Variants in ZNF536 observed in about 807,000 individuals in gnomAD.
ZNF536 encodes zinc finger protein 536.
Under a neutral mutation model 84.5 loss-of-function variants are expected in ZNF536, and 13 were observed. The ratio of observed to expected loss-of-function variants is 0.15; its 90% CI spans 0.10 to 0.24. The LOEUF (loss-of-function observed/expected upper bound fraction) is 0.24, where lower values mean the gene tolerates loss of function less well. ZNF536 is among the 10% of genes least tolerant of loss of function. The pLI, the probability that ZNF536 is intolerant of heterozygous loss-of-function variation, is 1.00. For synonymous variants in ZNF536, 811 were observed against 742.5 expected (o/e 1.09, Z -1.50); for missense variants, 1,536 against 1,747.5 (o/e 0.88, Z 2.16).
In ZNF536 at chr19:30,444,936, G is replaced by C. The variant is rs780527084; in HGVS notation, c.1374G>C (p.Leu458=). 3 of 1,611,716 alleles carry C rather than the reference G, an allele frequency of 1.9e-6. No homozygotes were observed. Among genetic ancestry groups the C allele is most frequent in the Non-Finnish European group, 8.5e-7 (1 of 1,179,156 alleles). ...EPSQLYGKGE[L]PMKEKEALGK... ...GCCAGCTCTATGGCAAGGGCGAGCTGCCCATGAAGGAGAAGGAAGCGCTGG... is the reference window on the plus strand; with the variant it reads ...GCCAGCTCTATGGCAAGGGCGAGCTCCCCATGAAGGAGAAGGAAGCGCTGG... Residue 458 remains leucine, a synonymous_variant, in exon 2 of 5, where the codon CTG becomes CTC. Coordinates refer to ENST00000355537, the MANE Select transcript of ZNF536 (RefSeq NM_014717.3).
At chr19:30,238,309 C>T (rs1278156789) in intron 1 of ZNF536, among the ~76,000 whole-genome samples, 1 of 152,018 alleles carries the variant, frequency 6.6e-6, no homozygotes, top group Admixed American at 6.6e-5. Context: ...TGATTGATTT[C>T]CTATGTATCT....
intron 1 of ZNF536, among the ~76,000 whole-genome samples, chr19:30,418,731 A>G (rs1176369823): frequency 6.6e-6 from 1 of 152,162 alleles, no homozygotes; most frequent in African/African-American, 2.4e-5. Context: ...CCTTCATGCC[A>G]CCATCACTAA....
chr19:30,639,263 A>G (rs747927363), intron 1 of ZNF536, among the ~76,000 whole-genome samples: 5 of 152,254 alleles, frequency 3.3e-5, no homozygotes, highest in Non-Finnish European at 7.3e-5. Flanking sequence ...TAGTAGCAAC[A>G]TTAAATAAGC....
rs60022194 is a variant in ZNF536, at chr19:30,326,751, G to A, written c.-119-25617G>A. ...TACAAATGGCCCTGGAAAGACACGC[G>A]ATGATTTTTTTTTAACTGGGAGATT... On this transcript the variant is annotated intron_variant, in intron 2 of 5. Transcript: ENST00000585628. Among the ~76,000 whole-genome samples the A allele has an allele frequency of 4.7e-4, 49 of 103,738 alleles. 1 individual carries two copies. The highest frequency in any genetic ancestry group is 1.6e-3 in the African/African-American group (47 of 28,894). 68.1% of individuals were successfully genotyped at this position (103,738 alleles called of 152,430 possible).
chr19:30,611,316 G>A (rs1242219220), intron 1 of ZNF536, among the ~76,000 whole-genome samples: 1 of 152,140 alleles, frequency 6.6e-6, no homozygotes, highest in South Asian at 2.1e-4. Context: ...TCTCAAGTGA[G>A]GGGGAGCCCT....
chr19:30,311,492 G>C (rs1490257529), intron 2 of ZNF536, among the ~76,000 whole-genome samples: 1 of 152,206 alleles, frequency 6.6e-6, no homozygotes, highest in Non-Finnish European at 1.5e-5. Context: ...CAGGTGCTTA[G>C]CCTGCTCACT....
chr19:30,702,219 C>T (rs2052014660), intron 1 of ZNF536, among the ~76,000 whole-genome samples: 1 of 152,234 alleles, frequency 6.6e-6, no homozygotes, highest in Admixed American at 6.5e-5. Context: ...CGTTTCCCCA[C>T]TTTCGTTATA....
At chr19:30,314,995 C>G (rs2046633416) in intron 2 of ZNF536, among the ~76,000 whole-genome samples, 1 of 152,156 alleles carries the variant, frequency 6.6e-6, no homozygotes, top group Admixed American at 6.5e-5. Flanking sequence ...CCCACCGGGT[C>G]CTCCTCCCCA....
intron 1 of ZNF536, among the ~76,000 whole-genome samples, chr19:30,412,872 T>A (rs1426509154): frequency 2.0e-5 from 3 of 152,074 alleles, no homozygotes; most frequent in Admixed American, 2.0e-4. Context: ...GGCTTTTTTT[T>A]AAAATGTAAA....
intron 1 of ZNF536, among the ~76,000 whole-genome samples, chr19:30,632,045 A>G (rs2048906469): frequency 1.3e-5 from 2 of 152,182 alleles, no homozygotes; most frequent in African/African-American, 4.8e-5. Context: ...TAGGCGTTAC[A>G]TTTAGCGTTC....
chr19:30,377,852 G>A (rs972249783), intron 1 of ZNF536, among the ~76,000 whole-genome samples: 3 of 152,168 alleles, frequency 2.0e-5, no homozygotes, highest in African/African-American at 7.2e-5. Context: ...ATGCAGTCCA[G>A]CAGGTCTCAG....
chr19:30,585,041 CTG>C (rs1408700354), intron 1 of ZNF536, among the ~76,000 whole-genome samples: 1 of 151,924 alleles, frequency 6.6e-6, no homozygotes, highest in African/African-American at 2.4e-5. Flanking sequence ...GTGTCTCACT[CTG>C]TTGCCCTGGC....
chr19:30,272,046 G>A (rs533023824), intron 1 of ZNF536, among the ~76,000 whole-genome samples: 6 of 152,158 alleles, frequency 3.9e-5, no homozygotes, highest in African/African-American at 4.8e-5. Flanking sequence ...TCAGCTCATC[G>A]GAGAAGTGGC....
intron 2 of ZNF536, among the ~76,000 whole-genome samples, chr19:30,505,734 C>T (rs58359061): frequency 0.013 from 2,026 of 152,036 alleles, 55 homozygotes; most frequent in African/African-American, 0.046. Context: ...GGCATGATCT[C>T]GGCTCACTGC....
intron 2 of ZNF536, among the ~76,000 whole-genome samples, chr19:30,328,179 C>A (rs2047097098): frequency 1.3e-5 from 2 of 152,166 alleles, no homozygotes; most frequent in African/African-American, 4.8e-5. Flanking sequence ...TTCAGCTCTG[C>A]AGAACTCCCC....
intron 2 of ZNF536, among the ~76,000 whole-genome samples, chr19:30,451,474 A>T (rs1278204285): frequency 6.6e-6 from 1 of 152,172 alleles, no homozygotes; most frequent in African/African-American, 2.4e-5. Flanking sequence ...CTTTACATGG[A>T]GCCATAAATC....
intron 1 of ZNF536, among the ~76,000 whole-genome samples, chr19:30,580,170 T>C (rs1028481192): frequency 2.6e-5 from 4 of 152,198 alleles, no homozygotes; most frequent in African/African-American, 9.6e-5. Flanking sequence ...GCAATGCACC[T>C]GAGCTGCCCC....
At position 30,435,276 on chromosome 19, in the gene ZNF536, C is replaced by T. The variant is rs376031390; in HGVS notation, c.-2-8285C>T. Among the ~76,000 whole-genome samples, 345 of 86,894 alleles carry T rather than the reference C, an allele frequency of 4.0e-3. 2 individuals are homozygous for T. The highest frequency in any genetic ancestry group is 9.2e-3 in the African/African-American group (198 of 21,542). 57.0% of individuals were successfully genotyped at this position (86,894 alleles called of 152,430 possible). On this transcript the variant is annotated intron_variant, in intron 1 of 4. Coordinates refer to ENST00000355537, the MANE Select transcript of ZNF536 (RefSeq NM_014717.3). ...ATGGTGGTAATGATGGTGATGATGA[C>T]GGTGATGATAATGGTGATGGTGGTG...
chr19:30,608,190 G>A (rs1025110912), intron 1 of ZNF536, among the ~76,000 whole-genome samples: 2 of 152,170 alleles, frequency 1.3e-5, no homozygotes, highest in South Asian at 2.1e-4. Flanking sequence ...GACAAGCACA[G>A]AAGTAAACTT....
Sources: allele counts gnomAD v4.1 joint callset (sites outside exome capture counted in the v4.1 genomes callset), GRCh38; gene constraint gnomAD v4.1.1; transcripts MANE v1.5; gene names NCBI Gene and HGNC (gene_info 2026-07-23, HGNC 2026-07-21).